The following MACROD2 variants were observed in gnomAD, a reference collection of about 807,000 sequenced individuals.
The protein encoded by MACROD2 is mono-ADP ribosylhydrolase 2.
A neutral mutation model predicts 70.4 loss-of-function variants in MACROD2; 36 were observed. That is an observed-to-expected ratio of 0.51 (90% CI 0.39 to 0.68). The LOEUF is 0.68. MACROD2 is among the 30% of genes least tolerant of loss of function. MACROD2 has a pLI of 0.00. For synonymous variants in MACROD2, 172 were observed against 178.8 expected (o/e 0.96, Z 0.30); for missense variants, 496 against 538.4 (o/e 0.92, Z 0.78).
intron 15 of MACROD2, among the ~76,000 whole-genome samples, chr20:16,006,014 G>C (rs2066782917): frequency 1.3e-5 from 2 of 152,166 alleles, no homozygotes; most frequent in South Asian, 4.1e-4. Context: ...ATCCTTAAGG[G>C]AGATCAGTTA....
At chr20:15,147,405 CTG>C (rs1470455780) in intron 5 of MACROD2, among the ~76,000 whole-genome samples, 1 of 147,464 alleles carries the variant, frequency 6.8e-6, no homozygotes, top group Non-Finnish European at 1.5e-5. Context: ...AAGGAGAACT[CTG>C]TGTGTGTAAA....
At chr20:15,367,702 T>G (rs2045431488) in intron 6 of MACROD2, among the ~76,000 whole-genome samples, 1 of 152,170 alleles carries the variant, frequency 6.6e-6, no homozygotes, top group Non-Finnish European at 1.5e-5. Flanking sequence ...TTTTGTTTGC[T>G]TTGTTTTTTT....
intron 3 of MACROD2, among the ~76,000 whole-genome samples, chr20:14,348,524 C>T (rs1031767751): frequency 2.7e-5 from 4 of 150,384 alleles, no homozygotes; most frequent in Non-Finnish European, 4.4e-5. Context: ...TTCAACTTGT[C>T]TTTTATGAAC....
intron 3 of MACROD2, among the ~76,000 whole-genome samples, chr20:14,423,117 G>GTGTTTGC (rs2083893320): frequency 6.6e-6 from 1 of 152,198 alleles, no homozygotes; most frequent in South Asian, 2.1e-4. Flanking sequence ...CTGTTCTGCT[G>GTGTTTGC]TGTTTGCTTT....
At chr20:15,565,136 G>A (rs1415727676) in intron 8 of MACROD2, among the ~76,000 whole-genome samples, 1 of 152,132 alleles carries the variant, frequency 6.6e-6, no homozygotes, top group Middle Eastern at 3.2e-3. Context: ...GAGCTGTTAC[G>A]TGACCGCTGT....
At chr20:15,619,268 C>T (rs6079907) in intron 8 of MACROD2, among the ~76,000 whole-genome samples, 13,159 of 152,252 alleles carry the variant, frequency 0.086, 644 homozygotes, top group South Asian at 0.18. Context: ...GGGCTGCTAT[C>T]GTCTTTGTTT....
intron 5 of MACROD2, among the ~76,000 whole-genome samples, chr20:15,023,681 ATC>A (rs2075207624): frequency 6.6e-6 from 1 of 152,156 alleles, no homozygotes; most frequent in African/African-American, 2.4e-5. Context: ...AAACCATCAG[ATC>A]TCGTGAAACT....
At chr20:15,654,885 C>T (rs1052131532) in intron 8 of MACROD2, among the ~76,000 whole-genome samples, 1 of 152,108 alleles carries the variant, frequency 6.6e-6, no homozygotes, top group Non-Finnish European at 1.5e-5. Context: ...TGCTTTCCCC[C>T]ATATAGAGTA....
At chr20:15,395,003 C>T (rs963898914) in intron 6 of MACROD2, among the ~76,000 whole-genome samples, 2 of 152,202 alleles carry the variant, frequency 1.3e-5, no homozygotes, top group East Asian at 3.8e-4. Context: ...CTGCCTGTCC[C>T]TCCAGGTGCA....
chr20:14,466,551 G>A (rs1469599254), intron 3 of MACROD2, among the ~76,000 whole-genome samples: 1 of 152,094 alleles, frequency 6.6e-6, no homozygotes, highest in African/African-American at 2.4e-5. Flanking sequence ...GTCATTTTCT[G>A]TCCAGCTTTG....
chr20:16,028,832 G>A (rs1327082856), intron 15 of MACROD2, among the ~76,000 whole-genome samples: 1 of 152,106 alleles, frequency 6.6e-6, no homozygotes, highest in Non-Finnish European at 1.5e-5. Context: ...AGGCTATTTG[G>A]AAAAAACAGA....
chr20:15,461,754 G>A (rs940310656), intron 7 of MACROD2, among the ~76,000 whole-genome samples: 1 of 152,080 alleles, frequency 6.6e-6, no homozygotes, highest in Non-Finnish European at 1.5e-5. Flanking sequence ...TGAATAAAAT[G>A]AACTCTTGCA....
intron 10 of MACROD2, among the ~76,000 whole-genome samples, chr20:15,925,490 G>A (rs1000459828): frequency 2.6e-5 from 4 of 152,126 alleles, no homozygotes; most frequent in Admixed American, 1.3e-4. Flanking sequence ...TTATTAAGAG[G>A]CTATGTGTGG....
chr20:15,673,564 T>C (rs1053477083), intron 8 of MACROD2, among the ~76,000 whole-genome samples: 1 of 152,226 alleles, frequency 6.6e-6, no homozygotes, highest in Non-Finnish European at 1.5e-5. Flanking sequence ...TGATGTATCC[T>C]GCTTAGCACC....
intron 3 of MACROD2, among the ~76,000 whole-genome samples, chr20:14,336,422 C>T (rs1484950902): frequency 6.6e-6 from 1 of 152,044 alleles, no homozygotes; most frequent in African/African-American, 2.4e-5. Context: ...GCACTCTTTA[C>T]CTATATGCAA....
chr20:16,045,084 C>T (rs1290040057), intron 17 of MACROD2, among the ~76,000 whole-genome samples: 1 of 152,114 alleles, frequency 6.6e-6, no homozygotes, highest in Non-Finnish European at 1.5e-5. Context: ...TGTGTTTGGA[C>T]AGAAACAAGC....
At chr20:15,962,753 A>G (rs978422575) in intron 12 of MACROD2, among the ~76,000 whole-genome samples, 7 of 152,166 alleles carry the variant, frequency 4.6e-5, no homozygotes, top group Non-Finnish European at 1.0e-4. Context: ...AATGGAGGTT[A>G]ATGAGACCGT....
intron 5 of MACROD2, among the ~76,000 whole-genome samples, chr20:15,010,472 T>G (rs2075074166): frequency 6.6e-6 from 1 of 152,210 alleles, no homozygotes; most frequent in Admixed American, 6.5e-5. Flanking sequence ...AAAACAAATG[T>G]ACAGTTCAGG....
At chr20:15,076,833 A>G (rs1014513742) in intron 5 of MACROD2, among the ~76,000 whole-genome samples, 7 of 152,160 alleles carry the variant, frequency 4.6e-5, no homozygotes, top group Non-Finnish European at 1.0e-4. Context: ...AGAACTCCAC[A>G]TAGCAATGAA....
Sources: gnomAD v4.1 joint callset for allele counts (sites outside exome capture counted in the v4.1 genomes callset) on GRCh38, gnomAD v4.1.1 for gene constraint, MANE v1.5 for transcripts, NCBI Gene and HGNC (gene_info 2026-07-23, HGNC 2026-07-21) for gene names.